Variants in GPBP1 observed in about 807,000 individuals in gnomAD.
GPBP1 encodes vasculin.
Under a neutral mutation model 56.5 loss-of-function variants are expected in GPBP1, and 13 were observed. The observed-to-expected ratio is 0.23, with a 90% CI of 0.15 to 0.37. The LOEUF (loss-of-function observed/expected upper bound fraction) is 0.37, where lower values mean the gene tolerates loss of function less well. Among genes scored for constraint, GPBP1 ranks in the 10% least tolerant of loss-of-function variants. GPBP1 has a pLI of 1.00. For missense variants in GPBP1, 477 were observed against 572.3 expected (o/e 0.83, Z 1.70); for synonymous variants, 204 against 188.9 (o/e 1.08, Z -0.66).
chr5:57,200,428 C>T (rs1046134179), intron 2 of GPBP1, among the ~76,000 whole-genome samples: 51 of 130,138 alleles, frequency 3.9e-4, no homozygotes, highest in African/African-American at 1.5e-3. Context: ...AGTGCAGTAG[C>T]ACGATCTCGG....
At chr5:57,241,570 A>T (rs371972279) in intron 6 of GPBP1, among the ~76,000 whole-genome samples, 1 of 152,298 alleles carries the variant, frequency 6.6e-6, no homozygotes, top group East Asian at 1.9e-4. Flanking sequence ...ACAAAAATAA[A>T]AATAAAAAGG....
At chr5:57,251,668 G>T (rs532268840) in intron 10 of GPBP1, among the ~76,000 whole-genome samples, 1 of 150,052 alleles carries the variant, frequency 6.7e-6, no homozygotes, top group Non-Finnish European at 1.5e-5. Context: ...ATAAGTTCTT[G>T]TGTGGATATG....
chr5:57,226,729 C>CTTTT (rs70999067), intron 3 of GPBP1, among the ~76,000 whole-genome samples: 5 of 77,120 alleles, frequency 6.5e-5, no homozygotes, highest in African/African-American at 1.2e-4. Flanking sequence ...TTTTTGTATT[C>CTTTT]TTTTTTTTTT....
rs1579960392 is a variant in GPBP1 at position 57,176,295 on chromosome 5, A to G, written c.-163A>G. On this transcript the variant is annotated 5_prime_UTR_variant, in exon 2 of 12. Coordinates refer to ENST00000506184, the MANE Select transcript of GPBP1 (RefSeq NM_022913.4). Reference sequence around the variant, plus strand: ...AATAGTCGTAGGTTAAGTATCTTCAAAGAACTTCGATATTATTTCAGAGGA... The same window carrying G: ...AATAGTCGTAGGTTAAGTATCTTCAGAGAACTTCGATATTATTTCAGAGGA... 6.2e-6 allele frequency: 2 copies of G among 324,362 alleles called. No individual in the cohort carries two copies. The highest frequency in any genetic ancestry group is 4.9e-5 in the Admixed American group (1 of 20,556). The allele number at this position is 324,362 out of a possible 1,614,324, so 20.1% of individuals were successfully genotyped here.
At chr5:57,257,371 T>C (rs1046779658) in intron 10 of GPBP1, among the ~76,000 whole-genome samples, 2 of 152,186 alleles carry the variant, frequency 1.3e-5, no homozygotes, top group Non-Finnish European at 2.9e-5. Flanking sequence ...TTTTCAAATA[T>C]TAAAATATGA....
chr5:57,192,653 T>C (rs1037935288), intron 2 of GPBP1, among the ~76,000 whole-genome samples: 7 of 148,588 alleles, frequency 4.7e-5, no homozygotes, highest in African/African-American at 1.7e-4. Flanking sequence ...CTCAGGAGGC[T>C]GAGGCAGGAG....
chr5:57,221,079 T>C (rs1755939600), intron 3 of GPBP1, among the ~76,000 whole-genome samples: 1 of 152,212 alleles, frequency 6.6e-6, no homozygotes. Flanking sequence ...AGGGTAAAAA[T>C]GTTTTCAGAA....
chr5:57,251,798 T>C (rs1561375377), intron 10 of GPBP1, among the ~76,000 whole-genome samples: 1 of 152,208 alleles, frequency 6.6e-6, no homozygotes, highest in Non-Finnish European at 1.5e-5. Context: ...TTTTACTTCC[T>C]TATCAGCAAT....
At chr5:57,193,344 G>C (rs1320697765) in intron 2 of GPBP1, among the ~76,000 whole-genome samples, 1 of 151,832 alleles carries the variant, frequency 6.6e-6, no homozygotes, top group Non-Finnish European at 1.5e-5. Flanking sequence ...GCCGAGTGCC[G>C]TGGCTTACTC....
chr5:57,248,376 C>G (rs1741190371), intron 8 of GPBP1, among the ~76,000 whole-genome samples: 1 of 150,958 alleles, frequency 6.6e-6, no homozygotes, highest in Non-Finnish European at 1.5e-5. Context: ...TATTATTATA[C>G]CTGAAATTGC....
At chr5:57,248,546 G>T (rs1741210982) in intron 8 of GPBP1, among the ~76,000 whole-genome samples, 1 of 149,098 alleles carries the variant, frequency 6.7e-6, no homozygotes, top group Admixed American at 6.8e-5. Context: ...TCCTGCCTCA[G>T]CCTCCCAAGT....
intron 9 of GPBP1, among the ~76,000 whole-genome samples, chr5:57,250,339 A>G (rs1461808225): frequency 2.6e-5 from 4 of 151,646 alleles, no homozygotes; most frequent in Admixed American, 6.6e-5. Context: ...GCTTCATTCT[A>G]TAGTTTCTGT....
chr5:57,210,452 A>AATTTAGT (rs1306101858), intron 2 of GPBP1, among the ~76,000 whole-genome samples: 3 of 152,182 alleles, frequency 2.0e-5, no homozygotes, highest in Non-Finnish European at 4.4e-5. Context: ...AAGCCAGTCA[A>AATTTAGT]ATTTAGTATT....
intron 3 of GPBP1, among the ~76,000 whole-genome samples, chr5:57,228,740 A>T (rs979829704): frequency 6.6e-6 from 1 of 152,156 alleles, no homozygotes; most frequent in Non-Finnish European, 1.5e-5. Flanking sequence ...CTGGGGCATA[A>T]TACAAAAAAA....
At chr5:57,221,196 T>C (rs949933640) in intron 3 of GPBP1, among the ~76,000 whole-genome samples, 4 of 152,242 alleles carry the variant, frequency 2.6e-5, no homozygotes. Context: ...GCAGTGACTT[T>C]TAAACTGTTG....
intron 2 of GPBP1, among the ~76,000 whole-genome samples, chr5:57,182,752 C>T (rs1015615293): frequency 6.6e-6 from 1 of 151,986 alleles, no homozygotes; most frequent in East Asian, 1.9e-4. Flanking sequence ...GGTGCAGTCA[C>T]GGCTCACTGC....
At chr5:57,213,018 C>A (rs1755556219) in intron 2 of GPBP1, among the ~76,000 whole-genome samples, 1 of 151,762 alleles carries the variant, frequency 6.6e-6, no homozygotes, top group African/African-American at 2.4e-5. Flanking sequence ...CCAGATGTAT[C>A]ATCAATTTAG....
Position 57,231,126 on chromosome 5 carries a change from A to G in GPBP1, c.216A>G (p.Gly72=), listed in dbSNP as rs148286924. ...ACTTTGGAAGGAAAGAAAAAAATGG[A>G]TGGCGTACACATGGAAGAAATGGTA... ...GGNFGRKEKN[G]WRTHGRNGTE... Residue 72 remains glycine, a synonymous_variant, in exon 5 of 12, where the codon GGA becomes GGG. Coordinates refer to ENST00000506184, the MANE Select transcript of GPBP1 (RefSeq NM_022913.4). 1.3e-4 allele frequency: 213 copies of G among 1,613,650 alleles called. No homozygotes were observed. Among genetic ancestry groups the G allele is most frequent in the Admixed American group, 8.8e-4 (53 of 59,952 alleles).
At chr5:57,246,123 G>T in intron 6 of GPBP1, 177 bp from the exon 7 acceptor site, 1 of 494,262 alleles carries the variant, frequency 2.0e-6, no homozygotes, top group Non-Finnish European at 3.6e-6. Context: ...TAATGTTTTA[G>T]CTTTACTTGT....
Sources: gnomAD v4.1 joint callset for allele counts (sites outside exome capture counted in the v4.1 genomes callset) on GRCh38, gnomAD v4.1.1 for gene constraint, MANE v1.5 for transcripts, NCBI Gene and HGNC (gene_info 2026-07-23, HGNC 2026-07-21) for gene names.